The following KLK11 variants were observed in gnomAD, a reference collection of about 807,000 sequenced individuals.
The protein encoded by KLK11 is kallikrein-11.
In KLK11, 10 loss-of-function variants were observed where a neutral mutation model predicts 23.4. That is an observed-to-expected ratio of 0.43 (90% confidence interval 0.26 to 0.73). KLK11 has a LOEUF of 0.73. KLK11 is among the 30% of genes least tolerant of loss of function. KLK11 has a pLI of 0.22. For synonymous variants in KLK11, 131 were observed against 131.7 expected (o/e 0.99, Z 0.03); for missense variants, 285 against 327.8 (o/e 0.87, Z 1.01).
At chr19:51,023,972 C>G (rs1427190273) in intron 4 of KLK11, 73 bp downstream of exon 4, 4 of 1,238,086 alleles carry the variant, frequency 3.2e-6, no homozygotes, top group African/African-American at 1.5e-5. Context: ...ATCTCTGATG[C>G]CCTGAACCCT....
intron 5 of KLK11, 92 bp downstream of exon 5, chr19:51,023,000 G>C: frequency 1.4e-6 from 2 of 1,399,812 alleles, no homozygotes; most frequent in Non-Finnish European, 2.0e-6. Context: ...AGGGGTCGGC[G>C]GGTTGAGGTT....
Position 51,024,084 on chromosome 19 carries a change from A to T in KLK11, c.424T>A (p.Cys142Ser). 1 of 1,562,734 alleles carries T rather than the reference A, an allele frequency of 6.4e-7. No homozygotes were observed. The highest frequency in any genetic ancestry group is 8.7e-7 in the Non-Finnish European group (1 of 1,149,150). The change falls in exon 4 of 6, where the codon TGC (cysteine) becomes AGC (serine). Residue 142 changes from cysteine (C) to serine (S), a missense_variant. Cys to Ser is a moderately radical substitution (Grantham distance 112, BLOSUM62 -1). Coordinates refer to ENST00000453757, the MANE Select transcript of KLK11 (RefSeq NM_001136032.3). The surrounding 1 kb of genome is among the most constrained non-coding windows in gnomAD (Gnocchi z 6.2). ...SSRCVTAGTS[C>S]LISGWGSTSS... ...GTGCTGCCCCAGCCGGAAATGAGGC[A>T]GCTGGTGCCAGCAGTGACACAGCGT...
At chr19:51,023,951 C>T in intron 4 of KLK11, 94 bp downstream of exon 4, 1 of 1,085,632 alleles carries the variant, frequency 9.2e-7, no homozygotes, top group Admixed American at 3.0e-5. Flanking sequence ...CACATCGTCA[C>T]TGTGAACCGC....
rs370034068 is a variant in KLK11, at chr19:51,024,107, C to T, written c.401G>A (p.Arg134His). The change falls in exon 4 of 6, where the codon CGC becomes CAC. Residue 134 changes from arginine to histidine, a missense_variant. Physicochemically the swap from Arg to His is conservative, Grantham distance 29. Transcript: ENST00000453757. This position sits in a 1 kb window ranked among gnomAD's most constrained non-coding sequence, Gnocchi z 6.2. ...WAVRPLTLSS[R>H]CVTAGTSCLI... ...GCAGCTGGTGCCAGCAGTGACACAG[C>T]GTGAGGAGAGGGTGAGGGGTCGCAC... is the stretch of plus-strand genomic sequence containing the variant. 1.9e-5 allele frequency: 30 copies of T among 1,589,394 alleles called. No individual in the cohort carries two copies. The highest frequency in any genetic ancestry group is 4.6e-5 in the South Asian group (4 of 87,286).
Position 51,024,125 on chromosome 19 carries a change from G to A in KLK11, c.383C>T (p.Pro128Leu). ...SPVSITWAVR[P>L]LTLSSRCVTA... The stretch of plus-strand genomic sequence containing the variant: ...GACACAGCGTGAGGAGAGGGTGAGG[G>A]GTCGCACAGCCCAGGTGATGGAGAC... The change falls in exon 4 of 6, where the codon CCC becomes CTC. Residue 128 changes from proline to leucine, a missense_variant. Physicochemically the swap from Pro to Leu is moderately conservative, Grantham distance 98. Coordinates refer to ENST00000453757, the MANE Select transcript of KLK11 (RefSeq NM_001136032.3). The surrounding 1 kb of genome is among the most constrained non-coding windows in gnomAD (Gnocchi z 6.2). 5 of 1,606,352 alleles carry A rather than the reference G, an allele frequency of 3.1e-6. No individual in the cohort carries two copies. The highest frequency in any genetic ancestry group is 4.3e-6 in the Non-Finnish European group (5 of 1,174,690).
intron 5 of KLK11, 39 bp from the exon 6 acceptor site, chr19:51,022,736 T>C: frequency 6.2e-7 from 1 of 1,610,942 alleles, no homozygotes; most frequent in Middle Eastern, 2.2e-4. Context: ...AGAGAAAGCG[T>C]TGAGCATGGT....
At chr19:51,026,085 G>A (rs961090300) in intron 1 of KLK11, among the ~76,000 whole-genome samples, 14 of 152,250 alleles carry the variant, frequency 9.2e-5, no homozygotes, top group South Asian at 8.3e-4. Context: ...ACACCGTTCC[G>A]TAGCCACCCC....
Position 51,024,765 on chromosome 19 carries a change from TGA to T in KLK11, c.68_69del (p.Ile23LysfsTer61). 2 of 1,599,762 alleles carry T rather than the reference TGA, an allele frequency of 1.3e-6. No homozygotes were observed. Among genetic ancestry groups the T allele is most frequent in the Non-Finnish European group, 1.7e-6 (2 of 1,175,350 alleles). ...GAGTGAGGCTTGCACTCGAACCCCT[TGA>T]TGATCCTGGTCTCTCCCCCTACAAG... Reference protein sequence around the residue: ...TGLVGGETRIIKGFECKPHSQ... With the variant: ...TGLVGGETRIXKGFECKPHSQ... On this transcript the variant is annotated frameshift_variant, in exon 3 of 6. Transcript: ENST00000453757. LOFTEE classifies it high-confidence loss of function. This position sits in a 1 kb window ranked among gnomAD's most constrained non-coding sequence, Gnocchi z 6.2.
Position 51,024,147 on chromosome 19 carries a change from A to G in KLK11, c.361T>C (p.Ser121Pro), listed in dbSNP as rs1348262398. Residue 121 changes from serine (S) to proline (P), a missense_variant, in exon 4 of 6, where the codon TCC (serine) becomes CCC (proline). Coordinates refer to ENST00000453757, the MANE Select transcript of KLK11 (RefSeq NM_001136032.3). This position sits in a 1 kb window ranked among gnomAD's most constrained non-coding sequence, Gnocchi z 6.2. ...IMLVKMASPV[S>P]ITWAVRPLTL... ...AGGGGTCGCACAGCCCAGGTGATGG[A>G]GACTGGCGATGCCATCTTCACCAGC... The G allele has an allele frequency of 6.2e-7, 1 of 1,612,316 alleles. No individual in the cohort carries two copies. Among genetic ancestry groups the G allele is most frequent in the Non-Finnish European group, 8.5e-7 (1 of 1,178,838 alleles).
Position 51,024,672 on chromosome 19 carries a change from T to C in KLK11, c.163A>G (p.Arg55Gly). 6.3e-7 allele frequency: 1 copy of C among 1,588,190 alleles called. No individual in the cohort carries two copies. Among genetic ancestry groups the C allele is most frequent in the South Asian group, 1.1e-5 (1 of 88,118 alleles). ...CAGTGGGCTGCTGTCAGGAGCCATC[T>C]GGGGGCGATGAGCGTCGCCCCACAG... ...LLCGATLIAP[R>G]WLLTAAHCLK... Residue 55 changes from arginine (R) to glycine (G), a missense_variant, in exon 3 of 6, where the codon AGA becomes GGA. By Grantham distance (125) the Arg-to-Gly change is moderately radical (BLOSUM62 -2). Transcript: ENST00000453757. The surrounding 1 kb of genome is among the most constrained non-coding windows in gnomAD (Gnocchi z 6.2).
At position 51,023,178 on chromosome 19, in the gene KLK11, G is replaced by A. The variant is rs777262110; in HGVS notation, c.514C>T (p.Gln172Ter). 6.2e-7 allele frequency: 1 copy of A among 1,613,758 alleles called. No homozygotes were observed. The highest frequency in any genetic ancestry group is 8.5e-7 in the Non-Finnish European group (1 of 1,179,926). Reference sequence around the variant, plus strand: ...CCGGGGTAGGCGTTCTCACACTTCTGGTGCTCAATGATGGTGATGTTGGCG... The same window carrying A: ...CCGGGGTAGGCGTTCTCACACTTCTAGTGCTCAATGATGGTGATGTTGGCG... Reference protein sequence around the residue: ...RCANITIIEHQKCENAYPGNI... With the variant: ...RCANITIIEH Residue 172 changes from glutamine to a stop codon, truncating the protein, a stop_gained, in exon 5 of 6, where the codon CAG becomes TAG. Coordinates refer to ENST00000453757, the MANE Select transcript of KLK11 (RefSeq NM_001136032.3). LOFTEE classifies it high-confidence loss of function.
At position 51,024,271 on chromosome 19, in the gene KLK11, C is replaced by A. The variant is rs780108082; in HGVS notation, c.237G>T (p.Lys79Asn). 1 of 1,613,888 alleles carries A rather than the reference C, an allele frequency of 6.2e-7. No individual in the cohort carries two copies. Among genetic ancestry groups the A allele is most frequent in the African/African-American group, 1.3e-5 (1 of 74,876 alleles). Reference protein sequence around the residue: ...IVHLGQHNLQKEEGCEQTRTA... With the variant: ...IVHLGQHNLQNEEGCEQTRTA... ...TCCGGGTCTGCTCACAGCCCTCCTC[C>A]TTCTGGAGGTTGTGCTGCCCCAGGT... is the stretch of plus-strand genomic sequence containing the variant. The change falls in exon 4 of 6, where the codon AAG becomes AAT. Residue 79 changes from lysine (K) to asparagine (N), a missense_variant. Transcript: ENST00000453757. The surrounding 1 kb of genome is among the most constrained non-coding windows in gnomAD (Gnocchi z 6.2).
At position 51,025,828 on chromosome 19, in the gene KLK11, A is replaced by G; in HGVS notation, c.-35-162T>C. The G allele has an allele frequency of 4.0e-6, 2 of 502,008 alleles. No individual in the cohort carries two copies. The highest frequency in any genetic ancestry group is 3.0e-5 in the South Asian group (1 of 33,466). 31.1% of individuals were successfully genotyped at this position (502,008 alleles called of 1,614,324 possible). Reference sequence around the variant, plus strand: ...GTTTCTCACAGCACTCAGATCTCCAAACACTTAAAATATATCTTAGGTGTC... The same window carrying G: ...GTTTCTCACAGCACTCAGATCTCCAGACACTTAAAATATATCTTAGGTGTC... On this transcript the variant is annotated intron_variant, in intron 1 of 5. Transcript: ENST00000453757. The surrounding 1 kb of genome is among the most constrained non-coding windows in gnomAD (Gnocchi z 6.2).
Position 51,023,114 on chromosome 19 carries a change from T to G in KLK11, c.578A>C (p.Glu193Ala). The G allele has an allele frequency of 6.2e-7, 1 of 1,611,192 alleles. No homozygotes were observed. Among genetic ancestry groups the G allele is most frequent in the Non-Finnish European group, 8.5e-7 (1 of 1,178,730 alleles). ...GACCTGGCAGGAGTCCTTGCCCCCT[T>G]CCTGCACGCTGGCACACACCATGGT... is the stretch of plus-strand genomic sequence containing the variant. ...TDTMVCASVQ[E>A]GGKDSCQGDS... The change falls in exon 5 of 6, where the codon GAA becomes GCA. Residue 193 changes from glutamate (E) to alanine (A), a missense_variant. By Grantham distance (107) the Glu-to-Ala change is moderately radical. Coordinates refer to ENST00000453757, the MANE Select transcript of KLK11 (RefSeq NM_001136032.3).
upstream of KLK11, chr19:51,027,231 G>T (rs929391820): frequency 9.2e-6 from 5 of 544,946 alleles, no homozygotes; most frequent in African/African-American, 5.7e-5. Flanking sequence ...GGAGAGGGGG[G>T]GTGTGCTGGG....
chr19:51,027,419 C>T, upstream of KLK11: 1 of 1,608,672 alleles, frequency 6.2e-7, no homozygotes. Flanking sequence ...CCGCTTCTCC[C>T]TGCCGCCCAG....
Position 51,024,279 on chromosome 19 carries a change from G to A in KLK11, c.229C>T (p.Leu77Phe). The A allele has an allele frequency of 6.2e-7, 1 of 1,614,114 alleles. No individual in the cohort carries two copies. The highest frequency in any genetic ancestry group is 8.5e-7 in the Non-Finnish European group (1 of 1,180,002). The stretch of plus-strand genomic sequence containing the variant: ...TGCTCACAGCCCTCCTCCTTCTGGA[G>A]GTTGTGCTGCCCCAGGTGAACTATG... ...RYIVHLGQHN[L>F]QKEEGCEQTR... is the part of the protein sequence containing the mutation. Residue 77 changes from leucine to phenylalanine, a missense_variant, in exon 4 of 6, where the codon CTC (leucine) becomes TTC (phenylalanine). Physicochemically the swap from Leu to Phe is conservative, Grantham distance 22. Transcript: ENST00000453757. This position sits in a 1 kb window ranked among gnomAD's most constrained non-coding sequence, Gnocchi z 6.2.
Position 51,025,643 on chromosome 19 carries a change from G to T in KLK11, c.-12C>A. The stretch of plus-strand genomic sequence containing the variant: ...TGCAGAATCCTCATGGCCTGGAGGG[G>T]GGAGGAGCGGGCCCCAGGTTCCTCT... On this transcript the variant is annotated 5_prime_UTR_variant, in exon 2 of 6. Transcript: ENST00000453757. This position sits in a 1 kb window ranked among gnomAD's most constrained non-coding sequence, Gnocchi z 6.2. 1 of 1,585,828 alleles carries T rather than the reference G, an allele frequency of 6.3e-7. No individual in the cohort carries two copies. The highest frequency in any genetic ancestry group is 2.3e-5 in the East Asian group (1 of 42,786).
At position 51,022,683 on chromosome 19, in the gene KLK11, G is replaced by A. The variant is rs1249718816; in HGVS notation, c.615C>T (p.Gly205=). The change falls in exon 6 of 6, where the codon GGC becomes GGT. Residue 205 remains glycine, a synonymous_variant. Coordinates refer to ENST00000453757, the MANE Select transcript of KLK11 (RefSeq NM_001136032.3). ...GKDSCQGDSG[G]PLVCNQSLQG... is the part of the protein sequence containing the mutation. ...GAAGAGACTGGTTACAGACCAGAGG[G>A]CCCCCGGAGTCACCCTGGGCACGGG... The A allele has an allele frequency of 2.5e-6, 4 of 1,613,012 alleles. No homozygotes were observed. The highest frequency in any genetic ancestry group is 1.1e-5 in the South Asian group (1 of 91,032).
Sources: gnomAD v4.1 joint callset for allele counts (sites outside exome capture counted in the v4.1 genomes callset) on GRCh38, gnomAD v4.1.1 for gene constraint, Gnocchi (gnomAD v3.1) non-coding constraint, MANE v1.5 for transcripts, NCBI Gene and HGNC (gene_info 2026-07-23, HGNC 2026-07-21) for gene names.